Variants in ZNF254 observed in about 807,000 individuals in gnomAD.
ZNF254 encodes zinc finger protein 254, also known as CTD-2017D11.1.
ZNF254 carries 10 observed loss-of-function variants against 12.4 expected under a neutral mutation model. The observed-to-expected ratio is 0.80, with a 90% CI of 0.50 to 1.36. The LOEUF is 1.36. Ranked by LOEUF, ZNF254 falls within the 40% of genes most tolerant of loss-of-function variation. The probability of loss-of-function intolerance (pLI) is 0.00; values close to 1 mark genes in which losing one functional copy is unlikely to be tolerated. For synonymous variants in ZNF254, 305 were observed against 253.4 expected (o/e 1.20, Z -1.93); for missense variants, 996 against 763.9 (o/e 1.30, Z -3.58).
chr19:24,081,837 A>C (rs995029218), intron 2 of ZNF254, among the ~76,000 whole-genome samples: 5 of 152,220 alleles, frequency 3.3e-5, no homozygotes, highest in Admixed American at 3.3e-4. Context: ...AAAAGAAATA[A>C]TTCCGATGGG....
intron 2 of ZNF254, among the ~76,000 whole-genome samples, chr19:24,047,120 C>T (rs185893383): frequency 2.6e-5 from 4 of 152,120 alleles, no homozygotes; most frequent in Non-Finnish European, 2.9e-5. Context: ...CCTCATGCCT[C>T]GGCTTCCCAA....
At position 24,121,426 on chromosome 19, in the gene ZNF254, T is replaced by A. The variant is rs571315072; in HGVS notation, c.254-4828T>A. ...TTGTGTTTTGATTTTTTAGTATATA[T>A]CATAATTGTGCATGACAATATTTAA... On this transcript the variant is annotated intron_variant, in intron 3 of 3. Coordinates refer to ENST00000357002, the MANE Select transcript of ZNF254 (RefSeq NM_203282.4). 2.0e-4 allele frequency among the ~76,000 whole-genome samples: 30 copies of A among 152,336 alleles called. 1 individual carries two copies. The East Asian group carries it at 5.4e-3, about 27-fold the overall frequency.
chr19:24,097,563 C>T (rs1258292996), intron 1 of ZNF254, among the ~76,000 whole-genome samples: 4 of 151,952 alleles, frequency 2.6e-5, no homozygotes, highest in African/African-American at 7.3e-5. Flanking sequence ...GGGCAGATCA[C>T]CTGAGGTTGG....
chr19:24,099,390 C>T (rs961418679), intron 1 of ZNF254, among the ~76,000 whole-genome samples: 2 of 151,926 alleles, frequency 1.3e-5, no homozygotes, highest in South Asian at 2.1e-4. Flanking sequence ...GTGAGCCCTG[C>T]GCTATGGGCT....
chr19:24,122,524 C>G (rs1041876603), intron 3 of ZNF254, among the ~76,000 whole-genome samples: 19 of 152,012 alleles, frequency 1.2e-4, no homozygotes, highest in Non-Finnish European at 2.2e-4. Flanking sequence ...CATGCCTGGC[C>G]CCAATTTTTT....
At chr19:24,086,337 G>A (rs1345954229), upstream of ZNF254, among the ~76,000 whole-genome samples, 3 of 151,916 alleles carry the variant, frequency 2.0e-5, no homozygotes, top group Non-Finnish European at 2.9e-5. Flanking sequence ...ACAAAGTCTC[G>A]CTCTGTCGCC....
At chr19:24,055,232 A>AAAAAAAAAAAAAAAT (rs1555753129) in intron 2 of ZNF254, among the ~76,000 whole-genome samples, 1 of 122,542 alleles carries the variant, frequency 8.2e-6, no homozygotes, top group Non-Finnish European at 1.8e-5. Context: ...AAAAAAAAAA[A>AAAAAAAAAAAAAAAT]GAGTGTACTA....
intron 2 of ZNF254, among the ~76,000 whole-genome samples, chr19:24,061,803 G>T (rs1469280054): frequency 6.6e-6 from 1 of 152,096 alleles, no homozygotes; most frequent in African/African-American, 2.4e-5. Flanking sequence ...AAAATTCCTG[G>T]CTGGGTGTGG....
intron 1 of ZNF254, among the ~76,000 whole-genome samples, chr19:24,044,458 A>G (rs1338584993): frequency 6.6e-6 from 1 of 151,920 alleles, no homozygotes; most frequent in Non-Finnish European, 1.5e-5. Context: ...AAATGGCATG[A>G]ACCCGGGAGG....
intron 1 of ZNF254, among the ~76,000 whole-genome samples, chr19:24,036,863 T>G (rs926811600): frequency 1.3e-5 from 2 of 152,154 alleles, no homozygotes; most frequent in Non-Finnish European, 2.9e-5. Flanking sequence ...ACATACCCAC[T>G]AGGAATGGGT....
intron 3 of ZNF254, among the ~76,000 whole-genome samples, chr19:24,110,582 A>G (rs934096109): frequency 1.3e-5 from 2 of 152,036 alleles, no homozygotes; most frequent in East Asian, 3.9e-4. Context: ...AAAAAAGTGT[A>G]TATTTCAGGC....
intron 1 of ZNF254, among the ~76,000 whole-genome samples, chr19:24,102,888 T>G (rs922168812): frequency 3.3e-5 from 5 of 152,172 alleles, no homozygotes; most frequent in African/African-American, 9.7e-5. Flanking sequence ...TTCCATGCAT[T>G]TTAAAAAACT....
chr19:24,098,491 G>C (rs1004431860), intron 1 of ZNF254: 1 of 152,182 alleles, frequency 6.6e-6, no homozygotes, highest in African/African-American at 2.4e-5. Context: ...GGCTAGATGA[G>C]CGCAGCAGAG....
chr19:24,125,984 A>G (rs948024843), intron 3 of ZNF254, among the ~76,000 whole-genome samples: 1 of 152,240 alleles, frequency 6.6e-6, no homozygotes, highest in Non-Finnish European at 1.5e-5. Context: ...GAGTAAATTT[A>G]ACAGACTTTT....
At chr19:24,105,043 T>C (rs1036996184) in intron 1 of ZNF254, 9 of 152,234 alleles carry the variant, frequency 5.9e-5, no homozygotes, top group African/African-American at 1.9e-4. Flanking sequence ...AAATTCAGAC[T>C]GTAATTTAGT....
At chr19:24,083,887 G>A (rs1971935575), upstream of ZNF254, among the ~76,000 whole-genome samples, 1 of 152,014 alleles carries the variant, frequency 6.6e-6, no homozygotes, top group Non-Finnish European at 1.5e-5. Context: ...CATTGCTGGT[G>A]GGAATGTATA....
At chr19:24,077,279 A>G (rs1971691803) in intron 2 of ZNF254, among the ~76,000 whole-genome samples, 1 of 152,188 alleles carries the variant, frequency 6.6e-6, no homozygotes, top group Non-Finnish European at 1.5e-5. Flanking sequence ...AAAATGTATT[A>G]GAAGACTGTA....
chr19:24,098,591 T>A (rs1019235469), intron 1 of ZNF254: 1 of 152,240 alleles, frequency 6.6e-6, no homozygotes, highest in African/African-American at 2.4e-5. Flanking sequence ...CTATGCACTT[T>A]GGGTATTTAG....
At chr19:24,063,827 A>C (rs1375071074) in intron 2 of ZNF254, 1 of 150,374 alleles carries the variant, frequency 6.7e-6, no homozygotes, top group Non-Finnish European at 1.5e-5. Flanking sequence ...AGGCATTGAG[A>C]CATGGCTGGG....
Sources: allele counts gnomAD v4.1 joint callset (sites outside exome capture counted in the v4.1 genomes callset), GRCh38; gene constraint gnomAD v4.1.1; transcripts MANE v1.5; gene names NCBI Gene and HGNC (gene_info 2026-07-23, HGNC 2026-07-21).